Variants in SBF2 observed in about 807,000 individuals in gnomAD.
SBF2 encodes SET binding factor 2, also known as myotubularin-related protein 13.
SBF2 carries 112 observed loss-of-function variants against 225.2 expected under a neutral mutation model. The observed-to-expected ratio is 0.50, with a 90% CI of 0.43 to 0.58. SBF2 has a LOEUF of 0.58. Ranked by LOEUF, SBF2 falls within the 20% of genes least tolerant of loss-of-function variation. The pLI is 0.00. For synonymous variants in SBF2, 763 were observed against 773.3 expected (o/e 0.99, Z 0.22); for missense variants, 1,996 against 2,206.2 (o/e 0.90, Z 1.91).
intron 1 of SBF2, among the ~76,000 whole-genome samples, chr11:10,287,875 G>C (rs1425754040): frequency 6.6e-6 from 1 of 152,192 alleles, no homozygotes; most frequent in African/African-American, 2.4e-5. Flanking sequence ...AGTCAGGCGT[G>C]GAGTGGTGAG....
chr11:10,216,274 T>C (rs959173132), intron 1 of SBF2, among the ~76,000 whole-genome samples: 1 of 152,258 alleles, frequency 6.6e-6, no homozygotes, highest in Non-Finnish European at 1.5e-5. Flanking sequence ...CATTCTGTTG[T>C]TGAAAGATCT....
Position 9,795,967 on chromosome 11 carries a change from A to C in SBF2, c.4444-10T>G. On this transcript the variant is annotated splice_polypyrimidine_tract_variant and intron_variant, in intron 32 of 39. Transcript: ENST00000256190. The stretch of plus-strand genomic sequence containing the variant: ...GATACTGGTTGTGAACCTGAAACAC[A>C]CAAGGCAAAGAAAAGAGTAAGAATC... The C allele has an allele frequency of 6.2e-7, 1 of 1,612,364 alleles. No individual in the cohort carries two copies. The highest frequency in any genetic ancestry group is 1.7e-5 in the Admixed American group (1 of 60,028).
intron 30 of SBF2, among the ~76,000 whole-genome samples, chr11:9,812,320 T>TA (rs1364628301): frequency 2.0e-5 from 3 of 152,176 alleles, no homozygotes; most frequent in African/African-American, 7.2e-5. Context: ...TACACAGAGA[T>TA]AAAAACCCAG....
chr11:10,202,267 C>T (rs1957592512), intron 1 of SBF2, among the ~76,000 whole-genome samples: 1 of 152,114 alleles, frequency 6.6e-6, no homozygotes, highest in Non-Finnish European at 1.5e-5. Flanking sequence ...AATGTGTTCC[C>T]ACCCCCAGCA....
intron 16 of SBF2, among the ~76,000 whole-genome samples, chr11:9,943,834 C>T (rs1379031851): frequency 1.3e-5 from 2 of 152,154 alleles, no homozygotes; most frequent in African/African-American, 2.4e-5. Flanking sequence ...TAATCTAACA[C>T]AGCTGAAGTT....
chr11:9,979,514 C>T (rs1164600129), intron 13 of SBF2, among the ~76,000 whole-genome samples: 1 of 152,102 alleles, frequency 6.6e-6, no homozygotes, highest in African/African-American at 2.4e-5. Context: ...AGAATTCTAC[C>T]AGATTTCTTT....
At chr11:10,177,190 C>T (rs1414915334) in intron 2 of SBF2, among the ~76,000 whole-genome samples, 2 of 151,874 alleles carry the variant, frequency 1.3e-5, no homozygotes, top group East Asian at 1.9e-4. Flanking sequence ...TGGGACGTAT[C>T]TCAAAATAAT....
At chr11:10,060,982 C>T (rs964530554) in intron 2 of SBF2, among the ~76,000 whole-genome samples, 2 of 152,030 alleles carry the variant, frequency 1.3e-5, no homozygotes, top group East Asian at 1.9e-4. Flanking sequence ...AGGCTGAGAT[C>T]GTGCCACTAC....
intron 1 of SBF2, among the ~76,000 whole-genome samples, chr11:10,246,547 T>G (rs543877833): frequency 8.5e-5 from 13 of 152,252 alleles, no homozygotes; most frequent in Admixed American, 3.3e-4. Flanking sequence ...CCTCCCAAAG[T>G]GTTGGGATTA....
chr11:9,933,167 G>T (rs1026841640), intron 16 of SBF2, among the ~76,000 whole-genome samples: 8 of 152,058 alleles, frequency 5.3e-5, no homozygotes, highest in Non-Finnish European at 1.0e-4. Context: ...AGCAAGTCCT[G>T]AGAGACCTAC....
intron 1 of SBF2, among the ~76,000 whole-genome samples, chr11:10,216,243 G>C (rs1958125114): frequency 6.6e-6 from 1 of 152,178 alleles, no homozygotes; most frequent in Non-Finnish European, 1.5e-5. Context: ...ATGATTATAA[G>C]AGAAGGCTGA....
chr11:10,218,264 A>G (rs1028327799), intron 1 of SBF2, among the ~76,000 whole-genome samples: 1 of 151,954 alleles, frequency 6.6e-6, no homozygotes, highest in Non-Finnish European at 1.5e-5. Flanking sequence ...CCTTTATAAA[A>G]GCATCAGATC....
chr11:10,126,448 G>GA (rs1953761994), intron 2 of SBF2, among the ~76,000 whole-genome samples: 1 of 152,062 alleles, frequency 6.6e-6, no homozygotes, highest in Non-Finnish European at 1.5e-5. Flanking sequence ...GATCAAGAAG[G>GA]AAAGAGGAAG....
intron 2 of SBF2, among the ~76,000 whole-genome samples, chr11:10,061,430 T>C (rs779964856): frequency 1.3e-5 from 2 of 152,174 alleles, no homozygotes; most frequent in Admixed American, 6.5e-5. Context: ...CATGATTCTA[T>C]ATCTAGAAAA....
At chr11:9,794,714 G>A in intron 33 of SBF2, among the ~76,000 whole-genome samples, 1 of 68,682 alleles carries the variant, frequency 1.5e-5, no homozygotes. Context: ...AAAAGACCAG[G>A]CCTGGGGCAG....
intron 27 of SBF2, among the ~76,000 whole-genome samples, 172 bp downstream of exon 27, chr11:9,832,052 C>A (rs1338174186): frequency 6.6e-6 from 1 of 152,196 alleles, no homozygotes; most frequent in Non-Finnish European, 1.5e-5. Flanking sequence ...GAGCCTCACA[C>A]TATCAAGTAT....
At chr11:10,011,144 T>C (rs2134553949) in intron 6 of SBF2, among the ~76,000 whole-genome samples, 1 of 152,342 alleles carries the variant, frequency 6.6e-6, no homozygotes, top group Non-Finnish European at 1.5e-5. Flanking sequence ...AGATTTCCCA[T>C]TTCTAGTGTT....
rs376816562 is a variant in SBF2 at position 9,856,616 on chromosome 11, T to A, written c.2205A>T (p.Leu735=). 1.2e-6 allele frequency: 2 copies of A among 1,614,196 alleles called. No individual in the cohort carries two copies. The highest frequency in any genetic ancestry group is 1.7e-6 in the Non-Finnish European group (2 of 1,180,030). The change falls in exon 19 of 40, where the codon CTA becomes CTT. Residue 735 remains leucine, a synonymous_variant. Transcript: ENST00000256190. ...AGACAGTGCTTTCCTCATGTTGCACTAGCTCTTGCTGAGTTGACTTGCTCA... is the reference window on the plus strand; with the variant it reads ...AGACAGTGCTTTCCTCATGTTGCACAAGCTCTTGCTGAGTTGACTTGCTCA... ...PTLSKSTQQE[L]VQHEESTVFS...
chr11:9,816,300 G>C (rs1294766549), intron 29 of SBF2, among the ~76,000 whole-genome samples: 3 of 152,090 alleles, frequency 2.0e-5, no homozygotes, highest in African/African-American at 4.8e-5. Flanking sequence ...TGAATTTTCT[G>C]ACACATCTTA....
Sources: gnomAD v4.1 joint callset for allele counts (sites outside exome capture counted in the v4.1 genomes callset) on GRCh38, gnomAD v4.1.1 for gene constraint, MANE v1.5 for transcripts, NCBI Gene and HGNC (gene_info 2026-07-23, HGNC 2026-07-21) for gene names.